SEMA5A: variants seen among roughly 807,000 people sequenced by gnomAD.
SEMA5A encodes semaphorin-5A.
In SEMA5A, 55 loss-of-function variants were observed where a neutral mutation model predicts 135.5. The observed-to-expected ratio is 0.41, with a 90% CI of 0.33 to 0.51. The LOEUF is 0.51. SEMA5A is among the 20% of genes least tolerant of loss of function. The pLI, the probability that SEMA5A is intolerant of heterozygous loss-of-function variation, is 0.37. For missense variants in SEMA5A, 1,290 were observed against 1,419.9 expected, an observed-to-expected ratio of 0.91 and a Z score of 1.47; for synonymous variants, 580 against 546.5, an observed-to-expected ratio of 1.06 and a Z score of -0.85.
intron 2 of SEMA5A, among the ~76,000 whole-genome samples, chr5:9,383,187 G>A (rs1015788738): frequency 3.9e-5 from 6 of 152,248 alleles, no homozygotes; most frequent in Non-Finnish European, 7.3e-5. Context: ...CAAAACTGGT[G>A]TCTGCTTTAG....
At chr5:9,328,387 T>C (rs1752970668) in intron 4 of SEMA5A, among the ~76,000 whole-genome samples, 2 of 152,238 alleles carry the variant, frequency 1.3e-5, no homozygotes, top group East Asian at 1.9e-4. Flanking sequence ...AATATGATTA[T>C]GTGAACATAT....
intron 4 of SEMA5A, among the ~76,000 whole-genome samples, chr5:9,319,707 G>C (rs1264327222): frequency 6.6e-6 from 1 of 152,030 alleles, no homozygotes; most frequent in Non-Finnish European, 1.5e-5. Context: ...AGATGCAAAT[G>C]AGCACGAGGT....
At chr5:9,480,475 G>C (rs962693692) in intron 1 of SEMA5A, among the ~76,000 whole-genome samples, 4 of 152,076 alleles carry the variant, frequency 2.6e-5, no homozygotes, top group Admixed American at 6.5e-5. Context: ...TTCAATAAAG[G>C]AAAGGCTGCA....
At chr5:9,319,905 G>C (rs1179907890) in intron 4 of SEMA5A, among the ~76,000 whole-genome samples, 1 of 152,092 alleles carries the variant, frequency 6.6e-6, no homozygotes, top group Non-Finnish European at 1.5e-5. Flanking sequence ...AGAGGCCCAA[G>C]GGCATAGCCT....
chr5:9,078,062 C>T (rs913172703), intron 16 of SEMA5A, among the ~76,000 whole-genome samples: 1 of 152,180 alleles, frequency 6.6e-6, no homozygotes, highest in African/African-American at 2.4e-5. Context: ...ACTTACATCT[C>T]AAATGAGAAG....
chr5:9,538,184 T>C (rs17328408), intron 1 of SEMA5A, among the ~76,000 whole-genome samples: 14,654 of 151,410 alleles, frequency 0.097, 955 homozygotes, highest in Non-Finnish European at 0.15. Flanking sequence ...CCAAAACCTA[T>C]ATTCAGCATT....
intron 1 of SEMA5A, among the ~76,000 whole-genome samples, chr5:9,532,879 A>G (rs1205579525): frequency 6.6e-6 from 1 of 152,194 alleles, no homozygotes; most frequent in Non-Finnish European, 1.5e-5. Flanking sequence ...TGCCAATACA[A>G]TAAACATGTC....
intron 1 of SEMA5A, among the ~76,000 whole-genome samples, chr5:9,461,281 A>G (rs928233077): frequency 6.6e-6 from 1 of 152,242 alleles, no homozygotes; most frequent in Non-Finnish European, 1.5e-5. Flanking sequence ...GGTGTCTTAC[A>G]GAGAATGCTC....
At chr5:9,381,601 G>T (rs557549213) in intron 2 of SEMA5A, among the ~76,000 whole-genome samples, 1 of 152,298 alleles carries the variant, frequency 6.6e-6, no homozygotes, top group Non-Finnish European at 1.5e-5. Context: ...ACCCTGAGAT[G>T]GCCATGCTAG....
intron 3 of SEMA5A, among the ~76,000 whole-genome samples, chr5:9,356,884 T>C (rs982741964): frequency 6.6e-6 from 1 of 152,184 alleles, no homozygotes; most frequent in Non-Finnish European, 1.5e-5. Context: ...GCTTTGTCTC[T>C]TCCACTGAAA....
Position 9,139,183 on chromosome 5 carries a change from C to T in SEMA5A, c.1482-2562G>A, listed in dbSNP as rs1741928334. ...TTTAAGGAATCGCCACACTGTTTTCCATAGTAATTGTACTAGTTTACATTC... is the reference window on the plus strand; with the variant it reads ...TTTAAGGAATCGCCACACTGTTTTCTATAGTAATTGTACTAGTTTACATTC... On this transcript the variant is annotated intron_variant, in intron 12 of 22. Transcript: ENST00000382496. Among the ~76,000 whole-genome samples the T allele has an allele frequency of 2.0e-5, 3 of 152,206 alleles. No homozygotes were observed. In the South Asian group the frequency reaches 6.2e-4, roughly 31 times the overall value.
At chr5:9,202,851 G>A (rs1185912861) in intron 8 of SEMA5A, among the ~76,000 whole-genome samples, 1 of 152,168 alleles carries the variant, frequency 6.6e-6, no homozygotes, top group Non-Finnish European at 1.5e-5. Context: ...ATGGAATAGT[G>A]AAAAACAACT....
rs1417039590 is a variant in SEMA5A at position 9,164,271 on chromosome 5, T to C, written c.1274-9576A>G. Among the ~76,000 whole-genome samples the C allele has an allele frequency of 2.1e-5, 3 of 145,396 alleles. No homozygotes were observed. In the East Asian group the frequency reaches 5.9e-4, roughly 28 times the overall value. ...TTTATACAATTATAAATATATGATATAAATATTTATATAATTTATATAATT... is the reference window on the plus strand; with the variant it reads ...TTTATACAATTATAAATATATGATACAAATATTTATATAATTTATATAATT... On this transcript the variant is annotated intron_variant, in intron 11 of 22. Coordinates refer to ENST00000382496, the MANE Select transcript of SEMA5A (RefSeq NM_003966.3).
intron 16 of SEMA5A, among the ~76,000 whole-genome samples, chr5:9,096,426 A>T (rs558441277): frequency 2.6e-5 from 4 of 152,178 alleles, no homozygotes; most frequent in Admixed American, 2.6e-4. Context: ...TATATTTCAC[A>T]TCTAAGTGAG....
At position 9,122,819 on chromosome 5, in the gene SEMA5A, C is replaced by T. The variant is rs1166932614; in HGVS notation, c.1618G>A (p.Asp540Asn). 2 of 1,601,728 alleles carry T rather than the reference C, an allele frequency of 1.2e-6. No individual in the cohort carries two copies. Among genetic ancestry groups the T allele is most frequent in the Non-Finnish European group, 1.7e-6 (2 of 1,172,552 alleles). The change falls in exon 14 of 23, where the codon GAT (aspartate) becomes AAT (asparagine). Residue 540 changes from aspartate (D) to asparagine (N), a missense_variant. Coordinates refer to ENST00000382496, the MANE Select transcript of SEMA5A (RefSeq NM_003966.3). ...GGAGACCACACACCAAAGTGCCCAT[C>T]CACGGTGAGATTCCTGGTCTAGGAA... The part of the protein sequence containing the change: ...SACPTRNLTV[D>N]GHFGVWSPWT...
intron 4 of SEMA5A, among the ~76,000 whole-genome samples, chr5:9,320,630 A>G (rs1448099302): frequency 6.6e-6 from 1 of 152,172 alleles, no homozygotes; most frequent in Admixed American, 6.5e-5. Flanking sequence ...AAGTGGGAGG[A>G]TCCATTGAGC....
At chr5:9,466,066 G>C (rs1759246742) in intron 1 of SEMA5A, among the ~76,000 whole-genome samples, 1 of 152,084 alleles carries the variant, frequency 6.6e-6, no homozygotes, top group South Asian at 2.1e-4. Flanking sequence ...TTCTCTCGAG[G>C]GTAATGTCAA....
intron 6 of SEMA5A, among the ~76,000 whole-genome samples, chr5:9,229,011 G>A (rs1747474126): frequency 6.6e-6 from 1 of 152,122 alleles, no homozygotes; most frequent in Non-Finnish European, 1.5e-5. Flanking sequence ...GGCTGGTCTC[G>A]AACTCCTGGG....
chr5:9,140,006 A>T (rs760029946), intron 12 of SEMA5A, among the ~76,000 whole-genome samples: 3 of 152,224 alleles, frequency 2.0e-5, no homozygotes, highest in Admixed American at 6.5e-5. Flanking sequence ...AAATCTAAAC[A>T]TCTCAAACCC....
Sources: gnomAD v4.1 joint callset for allele counts (sites outside exome capture counted in the v4.1 genomes callset) on GRCh38, gnomAD v4.1.1 for gene constraint, MANE v1.5 for transcripts, NCBI Gene and HGNC (gene_info 2026-07-23, HGNC 2026-07-21) for gene names.